The following FAM120C variants were observed in gnomAD, a reference collection of about 807,000 sequenced individuals.
The protein encoded by FAM120C is family with sequence similarity 120 member C.
FAM120C carries 14 observed loss-of-function variants against 71.2 expected under a neutral mutation model. The ratio of observed to expected loss-of-function variants is 0.20; its 90% CI spans 0.13 to 0.31. The LOEUF (loss-of-function observed/expected upper bound fraction) is 0.31, where lower values mean the gene tolerates loss of function less well. FAM120C is among the 10% of genes least tolerant of loss of function. The pLI is 1.00. For synonymous variants in FAM120C, 354 were observed against 353.2 expected (o/e 1.00, Z -0.03); for missense variants, 500 against 879.0 (o/e 0.57, Z 5.45).
chrX:54,103,245 T>C (rs1557124367), intron 10 of FAM120C, among the ~76,000 whole-genome samples: 1 of 111,504 alleles, frequency 9.0e-6, no homozygotes, highest in East Asian at 2.8e-4. Context: ...TTTAACAGTG[T>C]TTTGTAGTTT....
In FAM120C at chrX:54,135,531, T is replaced by G; in HGVS notation, c.1332A>C (p.Pro444=). 2 of 1,209,111 alleles carry G rather than the reference T, an allele frequency of 1.7e-6. No individual in the cohort carries two copies. Among genetic ancestry groups the G allele is most frequent in the Non-Finnish European group, 2.2e-6 (2 of 893,843 alleles). The change falls in exon 6 of 16, where the codon CCA becomes CCC. Residue 444 remains proline (P), a synonymous_variant. Coordinates refer to ENST00000375180, the MANE Select transcript of FAM120C (RefSeq NM_017848.6). ...NQVGTISAGK[P]MFSHQVPQKV... Reference sequence around the variant, plus strand: ...AGGCTTCTTAAAGGATGCTTACCATTGGCTTTCCAGCAGAAATGGTGCCCA... The same window carrying G: ...AGGCTTCTTAAAGGATGCTTACCATGGGCTTTCCAGCAGAAATGGTGCCCA...
chrX:54,157,104 G>A (rs1290836418), intron 3 of FAM120C, among the ~76,000 whole-genome samples: 1 of 110,487 alleles, frequency 9.1e-6, no homozygotes, highest in Non-Finnish European at 1.9e-5. Flanking sequence ...TCAATAGTGA[G>A]GTTGAACATC....
intron 2 of FAM120C, among the ~76,000 whole-genome samples, chrX:54,158,930 T>C (rs1432390627): frequency 9.0e-6 from 1 of 111,604 alleles, no homozygotes; most frequent in Non-Finnish European, 1.9e-5. Context: ...ATTTGGAAAT[T>C]TTCATAAAAA....
chrX:54,167,618 C>T lies in FAM120C; in HGVS notation c.700-8002G>A, dbSNP rs782636719. Among the ~76,000 whole-genome samples the T allele has an allele frequency of 1.0e-4, 11 of 110,320 alleles. No individual in the cohort carries two copies. The East Asian group carries it at 2.9e-3, about 29-fold the overall frequency. On this transcript the variant is annotated intron_variant, in intron 1 of 15. Coordinates refer to ENST00000375180, the MANE Select transcript of FAM120C (RefSeq NM_017848.6). ...GTACCATGGGAACACAGAGTAAAGG[C>T]ACCTCAACAGTCAGTGGGGTGATGG...
chrX:54,073,219 T>C lies in FAM120C; in HGVS notation c.3105A>G (p.Gly1035=). 8.3e-7 allele frequency: 1 copy of C among 1,210,502 alleles called. No individual in the cohort carries two copies. Among genetic ancestry groups the C allele is most frequent in the Non-Finnish European group, 1.1e-6 (1 of 894,746 alleles). ...HQGRSRSQVN[G]NSGALIKEEK... Reference sequence around the variant, plus strand: ...CTTCCTTGATCAATGCGCCACTGTTTCCATTTACCTGGGAGCGAGACCGAC... The same window carrying C: ...CTTCCTTGATCAATGCGCCACTGTTCCCATTTACCTGGGAGCGAGACCGAC... The change falls in exon 16 of 16, where the codon GGA becomes GGG. Residue 1035 remains glycine, a synonymous_variant. Coordinates refer to ENST00000375180, the MANE Select transcript of FAM120C (RefSeq NM_017848.6).
At chrX:54,076,086 CTGGGCACTT>C (rs1201808899) in intron 15 of FAM120C, among the ~76,000 whole-genome samples, 1 of 109,180 alleles carries the variant, frequency 9.2e-6, no homozygotes, top group Non-Finnish European at 1.9e-5. Context: ...GCACTGCAGC[CTGGGCACTT>C]TGGGAGGCCG....
chrX:54,151,100 G>A (rs2146628330), intron 4 of FAM120C, 145 bp downstream of exon 4: 1 of 654,775 alleles, frequency 1.5e-6, no homozygotes. Flanking sequence ...TTTTTTAAAG[G>A]AAATTTTGGA....
intron 4 of FAM120C, among the ~76,000 whole-genome samples, chrX:54,148,442 T>G (rs1351967712): frequency 1.8e-5 from 2 of 110,176 alleles, no homozygotes; most frequent in Non-Finnish European, 3.8e-5. Context: ...AGCTCAGGAG[T>G]TTGAGACCAG....
chrX:54,112,563 C>T (rs782364601), intron 10 of FAM120C, among the ~76,000 whole-genome samples: 6 of 105,101 alleles, frequency 5.7e-5, no homozygotes, highest in South Asian at 4.2e-4. Context: ...AAATTAGGGC[C>T]GGGTGCGGTG....
At chrX:54,157,588 G>T in intron 3 of FAM120C, 101 bp downstream of exon 3, 2 of 616,690 alleles carry the variant, frequency 3.2e-6, no homozygotes, top group Non-Finnish European at 5.1e-6. Flanking sequence ...TTGTATGTAT[G>T]TGAAATATTT....
chrX:54,174,048 C>A, intron 1 of FAM120C: 1 of 506,496 alleles, frequency 2.0e-6, no homozygotes, highest in Non-Finnish European at 3.5e-6. Context: ...TGTAGTTGGA[C>A]TGAGGGCCTC....
intron 10 of FAM120C, among the ~76,000 whole-genome samples, chrX:54,106,353 C>G (rs1158932197): frequency 8.9e-6 from 1 of 111,732 alleles, no homozygotes; most frequent in South Asian, 3.7e-4. Context: ...AACTGGCTAG[C>G]CATATGTAGA....
At chrX:54,171,696 A>C (rs2067289546) in intron 1 of FAM120C, 1 of 112,069 alleles carries the variant, frequency 8.9e-6, no homozygotes, top group South Asian at 3.7e-4. Flanking sequence ...ATCCTATTTC[A>C]TAATGGAAAA....
At chrX:54,077,182 A>G (rs782578923) in intron 15 of FAM120C, among the ~76,000 whole-genome samples, 31 of 111,520 alleles carry the variant, frequency 2.8e-4, no homozygotes, top group Admixed American at 3.9e-4. Context: ...AGAAAGCTCT[A>G]GTAGTAATGG....
At chrX:54,163,884 T>TTGTGTGTGTGTG (rs782142864) in intron 1 of FAM120C, among the ~76,000 whole-genome samples, 3 of 102,988 alleles carry the variant, frequency 2.9e-5, no homozygotes, top group African/African-American at 3.6e-5. Context: ...CCTTTTTATG[T>TTGTGTGTGTGTG]TGTGTGTGTG....
At chrX:54,171,230 A>AAAAC (rs781939247) in intron 1 of FAM120C, among the ~76,000 whole-genome samples, 2 of 111,468 alleles carry the variant, frequency 1.8e-5, no homozygotes, top group South Asian at 7.6e-4. Flanking sequence ...CCCTGTCTCT[A>AAAAC]AAACAAACAA....
chrX:54,106,850 A>T (rs1188572168), intron 10 of FAM120C, among the ~76,000 whole-genome samples: 7 of 112,152 alleles, frequency 6.2e-5, no homozygotes, highest in Non-Finnish European at 1.9e-5. Context: ...CCACAATGAG[A>T]TACCATCTCA....
At chrX:54,074,417 TTTC>T (rs1557120391) in intron 15 of FAM120C, among the ~76,000 whole-genome samples, 1 of 112,314 alleles carries the variant, frequency 8.9e-6, no homozygotes, top group African/African-American at 3.2e-5. Flanking sequence ...CCACAGAATC[TTTC>T]TTTTCTTTTC....
At position 54,133,917 on chromosome X, in the gene FAM120C, T is replaced by G. The variant is rs1557129893; in HGVS notation, c.1746A>C (p.Pro582=). 1 of 1,211,487 alleles carries G rather than the reference T, an allele frequency of 8.3e-7. No individual in the cohort carries two copies. The change falls in exon 8 of 16, where the codon CCA becomes CCC. Residue 582 remains proline (P), a synonymous_variant. Transcript: ENST00000375180. ...TCCTTGTAGACATAGACAGCAGAGA[T>G]GGGATGTGGGGCTCACCATCACCTA... is the stretch of plus-strand genomic sequence containing the variant. The part of the protein sequence containing the change: ...ASLGDGEPHI[P]SLLSMSTRNH...
Sources: allele counts gnomAD v4.1 joint callset (sites outside exome capture counted in the v4.1 genomes callset), GRCh38; gene constraint gnomAD v4.1.1; transcripts MANE v1.5; gene names NCBI Gene and HGNC (gene_info 2026-07-23, HGNC 2026-07-21).